Variants in SETD1A observed in about 807,000 individuals in gnomAD.
SETD1A encodes the protein SET domain containing 1A, histone lysine methyltransferase.
A neutral mutation model predicts 149.9 loss-of-function variants in SETD1A; 29 were observed. The ratio of observed to expected loss-of-function variants is 0.19; its 90% CI spans 0.14 to 0.26. The LOEUF (loss-of-function observed/expected upper bound fraction) is 0.26, where lower values mean the gene tolerates loss of function less well. Ranked by LOEUF, SETD1A falls within the 10% of genes least tolerant of loss-of-function variation. SETD1A has a pLI of 1.00. For synonymous variants in SETD1A, 1,141 were observed against 968.5 expected (o/e 1.18, Z -3.31); for missense variants, 2,109 against 2,353.1 (o/e 0.90, Z 2.15).
In SETD1A at chr16:30,965,695, C is replaced by T. The variant is rs754433924; in HGVS notation, c.1814C>T (p.Pro605Leu). The T allele has an allele frequency of 5.4e-5, 87 of 1,600,592 alleles. No individual in the cohort carries two copies. The highest frequency in any genetic ancestry group is 3.6e-4 in the East Asian group (16 of 44,464). ...PPAPTPPQQPPPPPPPPPPPP... is the reference protein window; with the variant it reads ...PPAPTPPQQPLPPPPPPPPPP... ...GCCCCGACGCCCCCTCAGCAGCCTC[C>T]GCCACCTCCCCCTCCCCCGCCGCCT... The change falls in exon 8 of 19, where the codon CCG becomes CTG. Residue 605 changes from proline (P) to leucine (L), a missense_variant. Transcript: ENST00000262519.
In SETD1A at chr16:30,979,735, C is replaced by T. The variant is rs1264587091; in HGVS notation, c.3949C>T (p.Pro1317Ser). The T allele has an allele frequency of 2.5e-6, 4 of 1,598,618 alleles. No homozygotes were observed. The highest frequency in any genetic ancestry group is 2.2e-5 in the South Asian group (2 of 90,832). Reference sequence around the variant, plus strand: ...CACGCCCCCTGCGCCAGCCCTGCGGCCCCCGGAGCCAGTGCCCGCACCCGC... The same window carrying T: ...CACGCCCCCTGCGCCAGCCCTGCGGTCCCCGGAGCCAGTGCCCGCACCCGC... ...KPTPPAPALR[P>S]PEPVPAPAAL... is the part of the protein sequence containing the mutation. The change falls in exon 14 of 19, where the codon CCC becomes TCC. Residue 1317 changes from proline (P) to serine (S), a missense_variant. Pro to Ser is a moderately conservative substitution (Grantham distance 74). This residue lies in a region of SETD1A where 832 missense variants were observed against 815.6 expected (regional missense o/e 1.02). Coordinates refer to ENST00000262519, the MANE Select transcript of SETD1A (RefSeq NM_014712.3).
rs201344612 is a variant in SETD1A, at chr16:30,961,248, A to G, written c.247-19A>G. 22 of 1,613,104 alleles carry G rather than the reference A, an allele frequency of 1.4e-5. No homozygotes were observed. The highest frequency in any genetic ancestry group is 1.8e-5 in the Non-Finnish European group (21 of 1,179,602). On this transcript the variant is annotated intron_variant, in intron 3 of 18. Coordinates refer to ENST00000262519, the MANE Select transcript of SETD1A (RefSeq NM_014712.3). This position sits in a 1 kb window ranked among gnomAD's most constrained non-coding sequence, Gnocchi z 4.0. ...TGGTCAGTGTTGAGACCCCATACCAACTCCTGTTCTTTCCCCAGCTGGACG... is the reference window on the plus strand; with the variant it reads ...TGGTCAGTGTTGAGACCCCATACCAGCTCCTGTTCTTTCCCCAGCTGGACG...
intron 13 of SETD1A, among the ~76,000 whole-genome samples, chr16:30,974,666 G>A (rs1007471950): frequency 2.6e-5 from 4 of 152,148 alleles, no homozygotes; most frequent in African/African-American, 7.2e-5. Context: ...TAAGGAATGA[G>A]GGGAGGGCAG....
chr16:30,972,106 C>T (rs911040301), intron 13 of SETD1A, among the ~76,000 whole-genome samples: 2 of 152,220 alleles, frequency 1.3e-5, no homozygotes, highest in East Asian at 1.9e-4. Context: ...TAACATAACA[C>T]AGAACTTGGT....
At position 30,983,116 on chromosome 16, in the gene SETD1A, G is replaced by A. The variant is rs565743340; in HGVS notation, c.4813-519G>A. On this transcript the variant is annotated intron_variant, in intron 17 of 18. Coordinates refer to ENST00000262519, the MANE Select transcript of SETD1A (RefSeq NM_014712.3). The surrounding 1 kb of genome is among the most constrained non-coding windows in gnomAD (Gnocchi z 6.8). ...GGGAGTGAGGTCACCCGAGGAGGGC[G>A]TGCAGAGGCTCCTCACTGTCTTCTG... 4.6e-5 allele frequency among the ~76,000 whole-genome samples: 7 copies of A among 152,280 alleles called. No individual in the cohort carries two copies. Among genetic ancestry groups the A allele is most frequent in the South Asian group, 2.1e-4 (1 of 4,818 alleles).
chr16:30,971,117 T>G (rs1212850481), intron 12 of SETD1A, among the ~76,000 whole-genome samples: 1 of 152,216 alleles, frequency 6.6e-6, no homozygotes, highest in Admixed American at 6.5e-5. Context: ...GGACTCCTTG[T>G]CCTTGAGTTC....
chr16:30,959,281 G>C (rs1008268139), intron 3 of SETD1A, 95 bp downstream of exon 3: 2 of 868,844 alleles, frequency 2.3e-6, no homozygotes, highest in Non-Finnish European at 3.9e-6. Flanking sequence ...TCCAATGAAA[G>C]GATCTCAGCC....
intron 3 of SETD1A, among the ~76,000 whole-genome samples, chr16:30,959,951 C>T (rs942562085): frequency 1.1e-4 from 16 of 152,122 alleles, no homozygotes; most frequent in East Asian, 1.9e-4. Flanking sequence ...AAATTATCTA[C>T]CTCCTTAACC....
rs564420914 is a variant in SETD1A, at chr16:30,963,630, C to T, written c.639+76C>T. 1.2e-4 allele frequency: 180 copies of T among 1,448,122 alleles called. 1 individual carries two copies. The South Asian group carries it at 2.0e-3, about 16-fold the overall frequency. The allele number at this position is 1,448,122 out of a possible 1,614,324, so 89.7% of individuals were successfully genotyped here. On this transcript the variant is annotated intron_variant, in intron 5 of 18. Transcript: ENST00000262519. ...GGGTGCCCGGAGCAGGAGCAGTCTT[C>T]GGGAGGTTCCGGGCTTTCCCGTTAA...
rs902171731 is a variant in SETD1A at position 30,983,480 on chromosome 16, CAG to C, written c.4813-152_4813-151del. 6.6e-6 allele frequency among the ~76,000 whole-genome samples: 1 copy of C among 152,184 alleles called. No individual in the cohort carries two copies. The highest frequency in any genetic ancestry group is 1.5e-5 in the Non-Finnish European group (1 of 68,038). On this transcript the variant is annotated intron_variant, in intron 17 of 18. Coordinates refer to ENST00000262519, the MANE Select transcript of SETD1A (RefSeq NM_014712.3). The surrounding 1 kb of genome is among the most constrained non-coding windows in gnomAD (Gnocchi z 6.8). Reference sequence around the variant, plus strand: ...CCCAAAGAGGGAGGGCTCCTGGAAGCAGAGTCGAGAGAGTCAGTGCCGGGTTA... The same window carrying C: ...CCCAAAGAGGGAGGGCTCCTGGAAGCAGTCGAGAGAGTCAGTGCCGGGTTA...
In SETD1A at chr16:30,983,416, G is replaced by A. The variant is rs959966516; in HGVS notation, c.4813-219G>A. 3.3e-5 allele frequency among the ~76,000 whole-genome samples: 5 copies of A among 152,196 alleles called. No homozygotes were observed. Among genetic ancestry groups the A allele is most frequent in the Non-Finnish European group, 5.9e-5 (4 of 68,032 alleles). On this transcript the variant is annotated intron_variant, in intron 17 of 18. Transcript: ENST00000262519. The surrounding 1 kb of genome is among the most constrained non-coding windows in gnomAD (Gnocchi z 6.8). ...TGCAGATTTCCCTGGAGTTCCCTGC[G>A]GGTGACTTAGAATGGCCACCAGAGG...
At chr16:30,968,599 G>A (rs1383156967) in intron 10 of SETD1A, among the ~76,000 whole-genome samples, 3 of 151,664 alleles carry the variant, frequency 2.0e-5, no homozygotes, top group African/African-American at 4.8e-5. Context: ...TCAAGAGATC[G>A]AGACCATCCT....
At chr16:30,960,546 T>C (rs1358135689) in intron 3 of SETD1A, among the ~76,000 whole-genome samples, 1 of 152,006 alleles carries the variant, frequency 6.6e-6, no homozygotes, top group Middle Eastern at 3.2e-3. Context: ...CTGGGTCGTG[T>C]TGTGTTTGTA....
rs773925969 is a variant in SETD1A at position 30,967,531 on chromosome 16, G to A, written c.2713G>A (p.Glu905Lys). Reference sequence around the variant, plus strand: ...GCGGAAAGAGCCATCGGAAATTTCCGAGGCCAGTGAGGAAAAGAGGCCTCG... The same window carrying A: ...GCGGAAAGAGCCATCGGAAATTTCCAAGGCCAGTGAGGAAAAGAGGCCTCG... ...VKRKEPSEIS[E>K]ASEEKRPRPS... Residue 905 changes from glutamate (E) to lysine (K), a missense_variant, in exon 10 of 19, where the codon GAG becomes AAG. Transcript: ENST00000262519. 17 of 1,613,762 alleles carry A rather than the reference G, an allele frequency of 1.1e-5. No homozygotes were observed. The highest frequency in any genetic ancestry group is 2.7e-5 in the African/African-American group (2 of 74,882).
intron 13 of SETD1A, among the ~76,000 whole-genome samples, chr16:30,975,318 G>A (rs1276563934): frequency 6.6e-6 from 1 of 151,530 alleles, no homozygotes. Flanking sequence ...TCAAAAAAAA[G>A]AATTGGGGGT....
chr16:30,980,418 C>A lies in SETD1A; in HGVS notation c.4409-67C>A. On this transcript the variant is annotated intron_variant, in intron 14 of 18. Coordinates refer to ENST00000262519, the MANE Select transcript of SETD1A (RefSeq NM_014712.3). The surrounding 1 kb of genome is among the most constrained non-coding windows in gnomAD (Gnocchi z 7.7). ...TGGGTATGCTCAGCGGCGTGGGCCC[C>A]GCCCTCTCCTTTGGCTGGGACGCAG... The A allele has an allele frequency of 6.4e-7, 1 of 1,550,730 alleles. No homozygotes were observed.
chr16:30,981,241 A>G lies in SETD1A; in HGVS notation c.4812+61A>G, dbSNP rs2056373669. 29 of 1,595,912 alleles carry G rather than the reference A, an allele frequency of 1.8e-5. No homozygotes were observed. The South Asian group carries it at 3.1e-4, about 17-fold the overall frequency. ...ATGCAACAAGACAGCATGGGGGCTCACACACATGCTGTTTGTCCGGTTAAA... is the reference window on the plus strand; with the variant it reads ...ATGCAACAAGACAGCATGGGGGCTCGCACACATGCTGTTTGTCCGGTTAAA... On this transcript the variant is annotated intron_variant, in intron 17 of 18. Coordinates refer to ENST00000262519, the MANE Select transcript of SETD1A (RefSeq NM_014712.3).
Position 30,965,997 on chromosome 16 carries a change from C to T in SETD1A, c.2116C>T (p.Pro706Ser). 1.3e-6 allele frequency: 2 copies of T among 1,577,442 alleles called. No homozygotes were observed. The highest frequency in any genetic ancestry group is 2.2e-5 in the East Asian group (1 of 44,524). The change falls in exon 8 of 19, where the codon CCC becomes TCC. Residue 706 changes from proline (P) to serine (S), a missense_variant. Pro to Ser is a moderately conservative substitution (Grantham distance 74). This residue lies in a region of SETD1A where 431 missense variants were observed against 388.6 expected (regional missense o/e 1.11). Transcript: ENST00000262519. ...GKGLIAASAG[P>S]PGGAFGEAFL... ...GGGATTGATTGCCGCCTCAGCTGGC[C>T]CCCCCGGTGGGGCCTTTGGGGAGGC...
chr16:30,966,999 G>T lies in SETD1A; in HGVS notation c.2621G>T (p.Gly874Val), dbSNP rs1279374353. Residue 874 changes from glycine to valine, a missense_variant, in exon 9 of 19, where the codon GGC (glycine) becomes GTC (valine). Gly to Val is a moderately radical substitution (Grantham distance 109). This residue lies in a region of SETD1A where 832 missense variants were observed against 815.6 expected (regional missense o/e 1.02). Transcript: ENST00000262519. ...TGGGCCAAGAGCGGGGGCACTACGG[G>T]CATCGAGGCTTTCGCCTTTGGGTCA... is the stretch of plus-strand genomic sequence containing the variant. ...VDWAKSGGTT[G>V]IEAFAFGSGL... 4.4e-6 allele frequency: 7 copies of T among 1,597,946 alleles called. No individual in the cohort carries two copies. Among genetic ancestry groups the T allele is most frequent in the African/African-American group, 2.7e-5 (2 of 74,816 alleles).
Sources: allele counts gnomAD v4.1 joint callset (sites outside exome capture counted in the v4.1 genomes callset), GRCh38; gene constraint gnomAD v4.1.1; regional missense constraint gnomAD v4.1.1; non-coding constraint Gnocchi (gnomAD v3.1); transcripts MANE v1.5; gene names NCBI Gene and HGNC (gene_info 2026-07-23, HGNC 2026-07-21).